The following TBCD variants were observed in gnomAD, a reference collection of about 807,000 sequenced individuals.
TBCD encodes tubulin-specific chaperone D.
TBCD carries 105 observed loss-of-function variants against 169.3 expected under a neutral mutation model. That is an observed-to-expected ratio of 0.62 (90% confidence interval 0.53 to 0.73). TBCD has a LOEUF of 0.73. TBCD is among the 30% of genes least tolerant of loss of function. The pLI is 0.00. For synonymous variants in TBCD, 700 were observed against 643.9 expected (o/e 1.09, Z -1.32); for missense variants, 1,444 against 1,600.1 (o/e 0.90, Z 1.66).
Position 82,917,019 on chromosome 17 carries a change from C to CTTTTTTTTTTTTTT in TBCD, c.2039-3533_2039-3532insTTTTTTTTTTTTTT, listed in dbSNP as rs59331670. Among the ~76,000 whole-genome samples, 10 of 108,518 alleles carry CTTTTTTTTTTTTTT rather than the reference C, an allele frequency of 9.2e-5. 4 individuals carry two copies. The highest frequency in any genetic ancestry group is 1.0e-4 in the African/African-American group (3 of 29,174). The allele number at this position is 108,518 out of a possible 152,430, so 71.2% of individuals were successfully genotyped here. On this transcript the variant is annotated intron_variant, in intron 23 of 38. Coordinates refer to ENST00000355528, the MANE Select transcript of TBCD (RefSeq NM_005993.5). ...CAGTTTGGACTTTTTTTTTTCTTTT[C>CTTTTTTTTTTTTTT]TTTTCTTTTTTTTTTTTTTGAGTTG...
chr17:82,877,259 T>A (rs908784215), intron 14 of TBCD, among the ~76,000 whole-genome samples: 5 of 152,250 alleles, frequency 3.3e-5, no homozygotes, highest in African/African-American at 1.2e-4. Flanking sequence ...GAAACTCTTG[T>A]TCATATGGTA....
chr17:82,921,701 A>T (rs1196367502), intron 25 of TBCD, 124 bp downstream of exon 25: 1 of 822,916 alleles, frequency 1.2e-6, no homozygotes, highest in East Asian at 2.5e-5. Flanking sequence ...ATAACTGACA[A>T]ATGGGGGCAT....
chr17:82,758,842 G>T (rs987578724), intron 2 of TBCD, among the ~76,000 whole-genome samples: 3 of 151,490 alleles, frequency 2.0e-5, no homozygotes, highest in Non-Finnish European at 4.4e-5. Context: ...TGCATTTTTA[G>T]TAGAGACAGG....
In TBCD at chr17:82,884,058, G is replaced by A. The variant is rs1196477883; in HGVS notation, c.1476-87G>A. ...TCTGAACCTCAAGTGGGCCTGAGTC[G>A]TGAGAGAAAGGCTTTCTCATCGATA... On this transcript the variant is annotated intron_variant, in intron 14 of 38. Coordinates refer to ENST00000355528, the MANE Select transcript of TBCD (RefSeq NM_005993.5). The surrounding 1 kb of genome is among the most constrained non-coding windows in gnomAD (Gnocchi z 4.2). The A allele has an allele frequency of 4.3e-5, 58 of 1,341,208 alleles. No homozygotes were observed. In the South Asian group the frequency reaches 4.8e-4, roughly 11 times the overall value. The allele number at this position is 1,341,208 out of a possible 1,614,324, so 83.1% of individuals were successfully genotyped here.
intron 15 of TBCD, among the ~76,000 whole-genome samples, chr17:82,887,172 C>CGCGCGCGCGCGCGT (rs1567961618): frequency 2.2e-5 from 1 of 46,450 alleles, no homozygotes; most frequent in Non-Finnish European, 4.2e-5. Flanking sequence ...TGTGTGTGCG[C>CGCGCGCGCGCGCGT]GCGCGCGCAC....
chr17:82,930,546 T>C lies in TBCD; in HGVS notation c.3016T>C (p.Phe1006Leu). The part of the protein sequence containing the change: ...STIRHSTQSL[F>L]EYMKGIQSDP... ...GATCCGGCACTCCACCCAGAGCCTC[T>C]TTGAGTACATGAAGGGCATTCAGAG... Residue 1006 changes from phenylalanine to leucine, a missense_variant, in exon 33 of 39, where the codon TTT (phenylalanine) becomes CTT (leucine). Transcript: ENST00000355528. The surrounding 1 kb of genome is among the most constrained non-coding windows in gnomAD (Gnocchi z 5.2). 6.2e-7 allele frequency: 1 copy of C among 1,613,702 alleles called. No individual in the cohort carries two copies. Among genetic ancestry groups the C allele is most frequent in the South Asian group, 1.1e-5 (1 of 91,020 alleles).
chr17:82,896,716 G>C (rs1241098409), intron 17 of TBCD, among the ~76,000 whole-genome samples: 2 of 152,094 alleles, frequency 1.3e-5, no homozygotes, highest in Non-Finnish European at 2.9e-5. Context: ...CACCTGCCTT[G>C]GCCTCCCAAA....
At chr17:82,819,246 A>G (rs2052199103) in intron 13 of TBCD, among the ~76,000 whole-genome samples, 1 of 152,216 alleles carries the variant, frequency 6.6e-6, no homozygotes, top group African/African-American at 2.4e-5. Context: ...CAGTGATGCG[A>G]TGTTTGCCTG....
In TBCD at chr17:82,811,193, C is replaced by T. The variant is rs1165054529; in HGVS notation, c.1223+1411C>T. 3.3e-5 allele frequency among the ~76,000 whole-genome samples: 5 copies of T among 152,304 alleles called. No homozygotes were observed. The South Asian group carries it at 1.0e-3, about 32-fold the overall frequency. ...ATGTCCTCCTGTCGCCTGGTGCCAC[C>T]TGCGGCCTTCACAACAGTGTGGTGG... is the stretch of plus-strand genomic sequence containing the variant. On this transcript the variant is annotated intron_variant, in intron 12 of 38. Coordinates refer to ENST00000355528, the MANE Select transcript of TBCD (RefSeq NM_005993.5).
Position 82,832,735 on chromosome 17 carries a change from A to G in TBCD, c.1318+17801A>G, listed in dbSNP as rs11077947. 222,682 of 497,236 alleles carry G rather than the reference A, an allele frequency of 0.45. 50,433 individuals are homozygous for G. Among genetic ancestry groups the G allele is most frequent in the East Asian group, 0.53 (14,098 of 26,792 alleles). 30.8% of individuals were successfully genotyped at this position (497,236 alleles called of 1,614,324 possible). A position where few individuals can be genotyped will look rare whatever the true frequency, so the allele number is the denominator to read the frequency against. On this transcript the variant is annotated intron_variant, in intron 13 of 38. Transcript: ENST00000355528. The surrounding 1 kb of genome is among the most constrained non-coding windows in gnomAD (Gnocchi z 4.9). Reference sequence around the variant, plus strand: ...AGTGCCACAGGATCCCTGAAGCAGAACCCCTGAAGGGCTGAAACTGCCTGC... The same window carrying G: ...AGTGCCACAGGATCCCTGAAGCAGAGCCCCTGAAGGGCTGAAACTGCCTGC...
At chr17:82,908,545 G>T in intron 21 of TBCD, 1 of 323,226 alleles carries the variant, frequency 3.1e-6, no homozygotes, top group Non-Finnish European at 6.0e-6. Context: ...TATTCTTTAA[G>T]ATTCAGCTCG....
In TBCD at chr17:82,923,167, A is replaced by G. The variant is rs2061520209; in HGVS notation, c.2179-485A>G. 6.6e-6 allele frequency among the ~76,000 whole-genome samples: 1 copy of G among 152,196 alleles called. No homozygotes were observed. The highest frequency in any genetic ancestry group is 2.4e-5 in the African/African-American group (1 of 41,452). The stretch of plus-strand genomic sequence containing the variant: ...GTGCATAGTGTATGCCTTTTTCTTC[A>G]TAACTATTTCTGGGAAAGAAAAATA... On this transcript the variant is annotated intron_variant, in intron 25 of 38. Coordinates refer to ENST00000355528, the MANE Select transcript of TBCD (RefSeq NM_005993.5). The surrounding 1 kb of genome is among the most constrained non-coding windows in gnomAD (Gnocchi z 4.6).
chr17:82,930,224 A>C lies in TBCD; in HGVS notation c.2992-298A>C, dbSNP rs2062085743. ...GATTATCAAATCCCGCTTCAGTGGG[A>C]AACGTGAGCGAAACCCAAGGTGAGT... On this transcript the variant is annotated intron_variant, in intron 32 of 38. Transcript: ENST00000355528. This position sits in a 1 kb window ranked among gnomAD's most constrained non-coding sequence, Gnocchi z 5.2. 1 of 416,892 alleles carries C rather than the reference A, an allele frequency of 2.4e-6. No individual in the cohort carries two copies. The highest frequency in any genetic ancestry group is 2.1e-5 in the African/African-American group (1 of 48,746). The allele number at this position is 416,892 out of a possible 1,614,324, so 25.8% of individuals were successfully genotyped here.
At position 82,785,054 on chromosome 17, in the gene TBCD, A is replaced by G. The variant is rs1298078787; in HGVS notation, c.771+3333A>G. Among the ~76,000 whole-genome samples the G allele has an allele frequency of 6.0e-5, 5 of 83,778 alleles. 1 individual carries two copies. Among genetic ancestry groups the G allele is most frequent in the Admixed American group, 5.5e-4 (5 of 9,140 alleles). The allele number at this position is 83,778 out of a possible 152,430, so 55.0% of individuals were successfully genotyped here. On this transcript the variant is annotated intron_variant, in intron 7 of 38. Coordinates refer to ENST00000355528, the MANE Select transcript of TBCD (RefSeq NM_005993.5). ...CACCCATCGCAGCGACAGGGGGTCC[A>G]TGCTGTGTGACTGAGACCACTGGAC... is the stretch of plus-strand genomic sequence containing the variant.
chr17:82,859,394 C>T (rs1443162762), intron 13 of TBCD, among the ~76,000 whole-genome samples: 5 of 147,908 alleles, frequency 3.4e-5, no homozygotes, highest in Non-Finnish European at 7.4e-5. Flanking sequence ...GGTCGTCTGG[C>T]CTGCCGGCTC....
intron 23 of TBCD, among the ~76,000 whole-genome samples, chr17:82,912,744 C>T (rs1391334957): frequency 2.0e-5 from 3 of 152,248 alleles, no homozygotes; most frequent in Non-Finnish European, 4.4e-5. Flanking sequence ...TCTGTCCACA[C>T]CTCCCAGCCC....
intron 27 of TBCD, among the ~76,000 whole-genome samples, chr17:82,925,309 GAGA>G (rs2147222389): frequency 6.6e-6 from 1 of 152,350 alleles, no homozygotes; most frequent in South Asian, 2.1e-4. Flanking sequence ...TGGGAGGGAG[GAGA>G]AGGTGTTGTT....
At position 82,830,122 on chromosome 17, in the gene TBCD, A is replaced by T. The variant is rs2053342749; in HGVS notation, c.1318+15188A>T. On this transcript the variant is annotated intron_variant, in intron 13 of 38. Coordinates refer to ENST00000355528, the MANE Select transcript of TBCD (RefSeq NM_005993.5). ...CGTGTGTGTGGCCGTAGCTCTGTGA[A>T]CACACGTGTGAACCCGGCGTTAGGA... 5.6e-6 allele frequency: 9 copies of T among 1,612,816 alleles called. No individual in the cohort carries two copies. The East Asian group carries it at 2.0e-4, about 36-fold the overall frequency.
chr17:82,797,600 C>G (rs1189246607), intron 7 of TBCD, among the ~76,000 whole-genome samples, 157 bp from the exon 8 acceptor site: 1 of 152,070 alleles, frequency 6.6e-6, no homozygotes. Flanking sequence ...CTTATAATTA[C>G]TTTATCATGT....
Sources: gnomAD v4.1 joint callset for allele counts (sites outside exome capture counted in the v4.1 genomes callset) on GRCh38, gnomAD v4.1.1 for gene constraint, Gnocchi (gnomAD v3.1) non-coding constraint, MANE v1.5 for transcripts, NCBI Gene and HGNC (gene_info 2026-07-23, HGNC 2026-07-21) for gene names.